Variants in TRIM36 observed in about 807,000 individuals in gnomAD.
The protein encoded by TRIM36 is tripartite motif containing 36, also known as E3 ubiquitin-protein ligase TRIM36.
Under a neutral mutation model 72.4 loss-of-function variants are expected in TRIM36, and 42 were observed. The ratio of observed to expected loss-of-function variants is 0.58; its 90% CI spans 0.45 to 0.75. The LOEUF (loss-of-function observed/expected upper bound fraction) is 0.75, where lower values mean the gene tolerates loss of function less well. Ranked by LOEUF, TRIM36 falls within the 30% of genes least tolerant of loss-of-function variation. TRIM36 has a pLI of 0.00. For synonymous variants in TRIM36, 315 were observed against 282.8 expected (o/e 1.11, Z -1.14); for missense variants, 913 against 857.1 (o/e 1.07, Z -0.81).
chr5:115,166,240 C>T (rs1364071698), intron 1 of TRIM36, among the ~76,000 whole-genome samples: 1 of 152,106 alleles, frequency 6.6e-6, no homozygotes, highest in Non-Finnish European at 1.5e-5. Context: ...ATTTTCCAGG[C>T]CCACCCATGG....
chr5:115,160,304 A>T (rs1396887662), intron 2 of TRIM36, among the ~76,000 whole-genome samples: 1 of 152,124 alleles, frequency 6.6e-6, no homozygotes, highest in Non-Finnish European at 1.5e-5. Flanking sequence ...TAGCCATATT[A>T]AAAAAATTGA....
intron 5 of TRIM36, among the ~76,000 whole-genome samples, chr5:115,139,949 A>C (rs1294555790): frequency 6.6e-6 from 1 of 152,208 alleles, no homozygotes; most frequent in Non-Finnish European, 1.5e-5. Flanking sequence ...GAGGACCAAC[A>C]AACAAGGCTA....
At chr5:115,169,520 C>G in intron 1 of TRIM36, 88 bp downstream of exon 1, 3 of 1,387,260 alleles carry the variant, frequency 2.2e-6, no homozygotes, top group South Asian at 1.3e-5. Flanking sequence ...GGAGGAGGCT[C>G]CCTCCGGGCT....
rs943120799 is a variant in TRIM36 at position 115,152,666 on chromosome 5, T to G, written c.263-5272A>C. On this transcript the variant is annotated intron_variant, in intron 2 of 9. Coordinates refer to ENST00000513154, the MANE Select transcript of TRIM36 (RefSeq NM_001300759.2). ...AAACCTATCAGATTAACAGCAGATTTCTCAGCAGAAACCCTACAGGCTAGA... is the reference window on the plus strand; with the variant it reads ...AAACCTATCAGATTAACAGCAGATTGCTCAGCAGAAACCCTACAGGCTAGA... Among the ~76,000 whole-genome samples the G allele has an allele frequency of 3.9e-5, 6 of 152,162 alleles. No homozygotes were observed. In the South Asian group the frequency reaches 1.2e-3, roughly 32 times the overall value.
At chr5:115,132,728 C>T (rs893564819) in intron 8 of TRIM36, among the ~76,000 whole-genome samples, 1 of 152,086 alleles carries the variant, frequency 6.6e-6, no homozygotes, top group African/African-American at 2.4e-5. Flanking sequence ...CGTATCTTCT[C>T]TCATAAAAAG....
intron 2 of TRIM36, among the ~76,000 whole-genome samples, chr5:115,150,220 C>G (rs1043644619): frequency 2.6e-5 from 4 of 152,074 alleles, no homozygotes; most frequent in African/African-American, 9.7e-5. Flanking sequence ...ATGAAAAAAT[C>G]AAGGCAATGG....
At chr5:115,173,900 C>G (rs1755227297), upstream of TRIM36, among the ~76,000 whole-genome samples, 1 of 152,168 alleles carries the variant, frequency 6.6e-6, no homozygotes, top group African/African-American at 2.4e-5. Flanking sequence ...ATTGTGATAT[C>G]TACTTTTCTA....
At chr5:115,148,714 T>A (rs889935674) in intron 2 of TRIM36, 5 of 152,244 alleles carry the variant, frequency 3.3e-5, no homozygotes, top group African/African-American at 1.2e-4. Flanking sequence ...CGGCCGTAAA[T>A]CTGTTCTTAA....
intron 1 of TRIM36, among the ~76,000 whole-genome samples, chr5:115,175,854 G>T (rs1242539741): frequency 6.6e-6 from 1 of 152,180 alleles, no homozygotes; most frequent in African/African-American, 2.4e-5. Context: ...GCCGGATGCG[G>T]TGGCTCACCC....
At chr5:115,132,981 T>A (rs1016874216) in intron 8 of TRIM36, among the ~76,000 whole-genome samples, 2 of 152,236 alleles carry the variant, frequency 1.3e-5, no homozygotes, top group South Asian at 4.1e-4. Context: ...TCCAATTTTT[T>A]AAAAGCTACA....
At position 115,163,712 on chromosome 5, in the gene TRIM36, G is replaced by T. The variant is rs1220673625; in HGVS notation, c.68C>A (p.Ala23Glu). Residue 23 changes from alanine to glutamate, a missense_variant, in exon 2 of 10, where the codon GCA becomes GAA. Coordinates refer to ENST00000513154, the MANE Select transcript of TRIM36 (RefSeq NM_001300759.2). ...TGGGTGGGTAAACAGCTCCTTGCAT[G>T]CTGGGCAAATGAGCTCCCTTTCGAT... Reference protein sequence around the residue: ...KNIERELICPACKELFTHPLI... With the variant: ...KNIERELICPECKELFTHPLI... The T allele has an allele frequency of 6.2e-7, 1 of 1,614,202 alleles. No individual in the cohort carries two copies. Among genetic ancestry groups the T allele is most frequent in the Non-Finnish European group, 8.5e-7 (1 of 1,180,038 alleles).
chr5:115,154,597 A>G (rs1357738313), intron 2 of TRIM36, among the ~76,000 whole-genome samples: 4 of 152,178 alleles, frequency 2.6e-5, no homozygotes. Flanking sequence ...AGAGACAGAT[A>G]AATTATTGGA....
chr5:115,128,454 T>A (rs947361656), intron 9 of TRIM36, among the ~76,000 whole-genome samples: 8 of 151,572 alleles, frequency 5.3e-5, no homozygotes, highest in Non-Finnish European at 8.8e-5. Flanking sequence ...AAAGTTTTTT[T>A]AAAAATTGAA....
chr5:115,143,672 T>C (rs900540542), intron 4 of TRIM36, among the ~76,000 whole-genome samples: 5 of 151,996 alleles, frequency 3.3e-5, no homozygotes, highest in African/African-American at 4.8e-5. Flanking sequence ...GGCAAAAAAA[T>C]GCATACACAT....
intron 2 of TRIM36, among the ~76,000 whole-genome samples, chr5:115,155,801 G>C (rs955700749): frequency 2.0e-5 from 3 of 152,226 alleles, no homozygotes; most frequent in Non-Finnish European, 2.9e-5. Flanking sequence ...TATAGTACTG[G>C]AAGTCCTAGC....
intron 5 of TRIM36, among the ~76,000 whole-genome samples, chr5:115,139,806 T>TC (rs1283258403): frequency 6.6e-6 from 1 of 152,196 alleles, no homozygotes; most frequent in African/African-American, 2.4e-5. Context: ...CTCAGTAATG[T>TC]CCCCACTATC....
intron 8 of TRIM36, among the ~76,000 whole-genome samples, chr5:115,133,428 A>G (rs1406565911): frequency 1.3e-5 from 2 of 152,172 alleles, no homozygotes; most frequent in Non-Finnish European, 1.5e-5. Flanking sequence ...TTAGATAAAA[A>G]AATCCAGACA....
At chr5:115,169,547 G>C in intron 1 of TRIM36, 61 bp downstream of exon 1, 1 of 1,480,780 alleles carries the variant, frequency 6.8e-7, no homozygotes, top group South Asian at 1.3e-5. Context: ...GGAGGAAAGA[G>C]AAAGAGCCGC....
upstream of TRIM36, chr5:115,169,972 C>A (rs1024143195): frequency 4.3e-6 from 5 of 1,161,758 alleles, no homozygotes; most frequent in East Asian, 4.2e-5. Context: ...AGGGCGTGGC[C>A]TGGTCGTTGC....
Sources: allele counts gnomAD v4.1 joint callset (sites outside exome capture counted in the v4.1 genomes callset), GRCh38; gene constraint gnomAD v4.1.1; transcripts MANE v1.5; gene names NCBI Gene and HGNC (gene_info 2026-07-23, HGNC 2026-07-21).